Variants in GRIK1 observed in about 807,000 individuals in gnomAD.
GRIK1 encodes glutamate receptor ionotropic, kainate 1.
A neutral mutation model predicts 105.7 loss-of-function variants in GRIK1; 69 were observed. The observed-to-expected ratio is 0.65, with a 90% CI of 0.54 to 0.80. GRIK1 has a LOEUF of 0.80. Among genes scored for constraint, GRIK1 ranks in the 30% least tolerant of loss-of-function variants. GRIK1 has a pLI of 0.00. For synonymous variants in GRIK1, 438 were observed against 431.3 expected (o/e 1.02, Z -0.19); for missense variants, 1,109 against 1,167.3 (o/e 0.95, Z 0.73).
At position 29,651,147 on chromosome 21, in the gene GRIK1, C is replaced by T. The variant is rs780322333; in HGVS notation, c.925G>A (p.Glu309Lys). 1.2e-5 allele frequency: 19 copies of T among 1,611,320 alleles called. No homozygotes were observed. Among genetic ancestry groups the T allele is most frequent in the South Asian group, 6.6e-5 (6 of 90,326 alleles). ...ATCATGCCATCCAAAAGGCCAGTCT[C>T]GGGCCTGGGTGGGGCCTGCAGTCTC... ...MERLQAPPRP[E>K]TGLLDGMMTT... The change falls in exon 6 of 18, where the codon GAG becomes AAG. Residue 309 changes from glutamate (E) to lysine (K), a missense_variant. Physicochemically the swap from Glu to Lys is moderately conservative, Grantham distance 56. Around this residue, in one of 5 missense-constraint regions of GRIK1, gnomAD observed 612 missense variants for 586.0 expected, o/e 1.04. Coordinates refer to ENST00000327783, the MANE Select transcript of GRIK1 (RefSeq NM_001330994.2).
At chr21:29,632,779 C>G (rs1023235862) in intron 7 of GRIK1, among the ~76,000 whole-genome samples, 1 of 152,110 alleles carries the variant, frequency 6.6e-6, no homozygotes, top group Admixed American at 6.5e-5. Context: ...TTATAAATAT[C>G]AATGTTATTT....
At chr21:29,601,202 G>C in intron 7 of GRIK1, 2 of 507,330 alleles carry the variant, frequency 3.9e-6, no homozygotes, top group South Asian at 1.4e-5. Flanking sequence ...CAGAGGAAGA[G>C]AGCATTTACT....
At chr21:29,580,551 A>G (rs935529226) in intron 13 of GRIK1, among the ~76,000 whole-genome samples, 2 of 152,164 alleles carry the variant, frequency 1.3e-5, no homozygotes, top group African/African-American at 4.8e-5. Flanking sequence ...CAATTCCCTA[A>G]TGAGAAACCT....
rs553616279 is a variant in GRIK1 at position 29,581,026 on chromosome 21, C to T, written c.1912+399G>A. ...AGGTGGAAGTCCTAGGTAAGGTTGG[C>T]AATTGGAAGAATCTCAGTGAATTTA... is the stretch of plus-strand genomic sequence containing the variant. On this transcript the variant is annotated intron_variant, in intron 13 of 17. Transcript: ENST00000327783. Among the ~76,000 whole-genome samples the T allele has an allele frequency of 3.3e-5, 5 of 152,132 alleles. No homozygotes were observed. In the East Asian group the frequency reaches 9.7e-4, roughly 29 times the overall value.
intron 1 of GRIK1, among the ~76,000 whole-genome samples, chr21:29,898,300 T>A (rs2070249885): frequency 6.6e-6 from 1 of 152,184 alleles, no homozygotes; most frequent in African/African-American, 2.4e-5. Flanking sequence ...CATTCCTAAG[T>A]GCTACGATGC....
intron 7 of GRIK1, among the ~76,000 whole-genome samples, chr21:29,606,091 G>T (rs1433914022): frequency 2.0e-5 from 3 of 150,880 alleles, no homozygotes; most frequent in African/African-American, 7.3e-5. Flanking sequence ...ATCCAAGGGT[G>T]ATTTGATTCT....
intron 1 of GRIK1, among the ~76,000 whole-genome samples, chr21:29,919,594 G>A (rs2071123387): frequency 1.3e-5 from 2 of 152,104 alleles, no homozygotes; most frequent in South Asian, 4.1e-4. Context: ...ACTGAGCAAA[G>A]GTAGCACTCC....
chr21:29,774,599 C>A (rs978242089), intron 1 of GRIK1, among the ~76,000 whole-genome samples: 1 of 152,010 alleles, frequency 6.6e-6, no homozygotes, highest in Admixed American at 6.6e-5. Context: ...CTACAGGCAC[C>A]TGCTACCATG....
chr21:29,680,583 C>T (rs148411389), intron 3 of GRIK1, among the ~76,000 whole-genome samples: 2 of 152,312 alleles, frequency 1.3e-5, no homozygotes, highest in African/African-American at 4.8e-5. Flanking sequence ...GAACCACGGT[C>T]AGTCGTGGTG....
intron 1 of GRIK1, among the ~76,000 whole-genome samples, chr21:29,855,921 A>G (rs910900770): frequency 2.6e-5 from 4 of 152,170 alleles, no homozygotes; most frequent in African/African-American, 9.7e-5. Context: ...GGCTTGAACA[A>G]CTGGGTGGTT....
chr21:29,929,743 T>A (rs973012100), intron 1 of GRIK1, among the ~76,000 whole-genome samples: 1 of 152,214 alleles, frequency 6.6e-6, no homozygotes, highest in Non-Finnish European at 1.5e-5. Flanking sequence ...ACAATCATTA[T>A]GGAAAACAGT....
chr21:29,817,572 T>C (rs1412819074), intron 1 of GRIK1, among the ~76,000 whole-genome samples: 1 of 152,080 alleles, frequency 6.6e-6, no homozygotes, highest in African/African-American at 2.4e-5. Flanking sequence ...AGAAGACACC[T>C]GAGTCATCTT....
At chr21:29,804,668 A>G (rs2066811897) in intron 1 of GRIK1, among the ~76,000 whole-genome samples, 1 of 152,194 alleles carries the variant, frequency 6.6e-6, no homozygotes, top group Non-Finnish European at 1.5e-5. Flanking sequence ...ATTCTATGTT[A>G]TCATTTGCTA....
intron 1 of GRIK1, among the ~76,000 whole-genome samples, chr21:29,859,914 G>A (rs1388974046): frequency 6.6e-6 from 1 of 152,200 alleles, no homozygotes; most frequent in Non-Finnish European, 1.5e-5. Flanking sequence ...GTAACTCATG[G>A]TTTATAGGCA....
chr21:29,915,283 A>C (rs1042802493), intron 1 of GRIK1, among the ~76,000 whole-genome samples: 2 of 151,998 alleles, frequency 1.3e-5, no homozygotes, highest in Admixed American at 1.3e-4. Flanking sequence ...GACTGAATAC[A>C]CTAGAACTTG....
intron 1 of GRIK1, among the ~76,000 whole-genome samples, chr21:29,712,083 T>TATAC (rs1232277994): frequency 0.011 from 1,483 of 135,340 alleles, 27 homozygotes; most frequent in East Asian, 0.032. Flanking sequence ...TATACATACA[T>TATAC]ACACACACAC....
chr21:29,553,695 AAC>A, intron 16 of GRIK1: 1 of 1,576,292 alleles, frequency 6.3e-7, no homozygotes, highest in Non-Finnish European at 8.6e-7. Context: ...CCATAAAAGA[AAC>A]AAAAAGCCTT....
intron 7 of GRIK1, among the ~76,000 whole-genome samples, chr21:29,599,321 C>T (rs2061474623): frequency 6.6e-6 from 1 of 152,296 alleles, no homozygotes; most frequent in Non-Finnish European, 1.5e-5. Context: ...CCTGCTTTTT[C>T]TTTCTCTGTG....
At chr21:29,560,511 C>CTTT (rs1568815314) in intron 15 of GRIK1, among the ~76,000 whole-genome samples, 1,971 of 40,134 alleles carry the variant, frequency 0.049, 368 homozygotes, top group African/African-American at 0.069. Flanking sequence ...TTCCTTCCTT[C>CTTT]CTTCCTTCCT....
Sources: gnomAD v4.1 joint callset for allele counts (sites outside exome capture counted in the v4.1 genomes callset) on GRCh38, gnomAD v4.1.1 for gene constraint, gnomAD v4.1.1 regional missense constraint, MANE v1.5 for transcripts, NCBI Gene and HGNC (gene_info 2026-07-23, HGNC 2026-07-21) for gene names.